Variants in XKR4 observed in about 807,000 individuals in gnomAD.
The protein encoded by XKR4 is XK related 4.
A neutral mutation model predicts 53.9 loss-of-function variants in XKR4; 12 were observed. The ratio of observed to expected loss-of-function variants is 0.22; its 90% CI spans 0.14 to 0.36. The LOEUF is 0.36. XKR4 is among the 10% of genes least tolerant of loss of function. The pLI, the probability that XKR4 is intolerant of heterozygous loss-of-function variation, is 1.00. For missense variants in XKR4, 799 were observed against 859.5 expected (o/e 0.93, Z 0.88); for synonymous variants, 354 against 362.4 (o/e 0.98, Z 0.26).
At chr8:55,449,629 C>G (rs1805398539) in intron 2 of XKR4, 1 of 1,046,868 alleles carries the variant, frequency 9.6e-7, no homozygotes, top group African/African-American at 1.6e-5. Flanking sequence ...CCTTCTCATC[C>G]ACGCTCTTAG....
intron 2 of XKR4, among the ~76,000 whole-genome samples, chr8:55,396,225 G>T (rs879506105): frequency 6.6e-5 from 10 of 152,102 alleles, no homozygotes; most frequent in Non-Finnish European, 1.3e-4. Flanking sequence ...CAATCTTTCT[G>T]GGGGCTCAAG....
intron 1 of XKR4, among the ~76,000 whole-genome samples, chr8:55,331,579 A>G (rs1803384882): frequency 6.6e-6 from 1 of 152,126 alleles, no homozygotes; most frequent in Non-Finnish European, 1.5e-5. Flanking sequence ...AGGAATGTCA[A>G]CTTCTCCTTT....
chr8:55,248,195 G>T lies in XKR4; in HGVS notation c.807-109483G>T, dbSNP rs77965616. ...ACCCCCACCAAAGATCCAATGGAGA[G>T]AGGCTGGAAGCCTCTTCCTGGAACA... is the stretch of plus-strand genomic sequence containing the variant. On this transcript the variant is annotated intron_variant, in intron 1 of 2. Transcript: ENST00000327381. Among the ~76,000 whole-genome samples the T allele has an allele frequency of 2.9e-3, 436 of 152,224 alleles. 3 individuals carry two copies. The highest frequency in any genetic ancestry group is 9.8e-3 in the African/African-American group (409 of 41,540).
intron 1 of XKR4, among the ~76,000 whole-genome samples, chr8:55,285,305 A>C (rs531056307): frequency 6.6e-6 from 1 of 152,230 alleles, no homozygotes; most frequent in African/African-American, 2.4e-5. Flanking sequence ...AATATCATGG[A>C]ATGGATGTGA....
At chr8:55,132,763 T>A (rs2129353239) in intron 1 of XKR4, among the ~76,000 whole-genome samples, 1 of 152,242 alleles carries the variant, frequency 6.6e-6, no homozygotes. Context: ...AGCCTGGGTG[T>A]AAAGGAGGAG....
intron 2 of XKR4, among the ~76,000 whole-genome samples, chr8:55,441,734 T>A (rs1215828370): frequency 1.3e-5 from 2 of 152,194 alleles, no homozygotes; most frequent in Non-Finnish European, 2.9e-5. Context: ...TTAAAAGGCA[T>A]AATTCTCAAC....
chr8:55,459,272 A>G (rs1042276534), intron 2 of XKR4, among the ~76,000 whole-genome samples: 1 of 152,178 alleles, frequency 6.6e-6, no homozygotes, highest in African/African-American at 2.4e-5. Context: ...CATAAAAACT[A>G]CTCCAAAATA....
At chr8:55,128,818 A>C (rs1462807981) in intron 1 of XKR4, among the ~76,000 whole-genome samples, 2 of 150,394 alleles carry the variant, frequency 1.3e-5, no homozygotes, top group Non-Finnish European at 2.9e-5. Context: ...GACACAGGTA[A>C]TCAAAGTGCA....
intron 1 of XKR4, among the ~76,000 whole-genome samples, chr8:55,347,281 A>G (rs1250599261): frequency 6.6e-6 from 1 of 152,222 alleles, no homozygotes; most frequent in Non-Finnish European, 1.5e-5. Context: ...ACTGATGAAA[A>G]GGAGCTGAGA....
chr8:55,195,765 A>G (rs1019891607), intron 1 of XKR4, among the ~76,000 whole-genome samples: 4 of 152,212 alleles, frequency 2.6e-5, no homozygotes, highest in Admixed American at 6.5e-5. Flanking sequence ...AGTTTTGCAT[A>G]TACAAACAAA....
chr8:55,234,146 T>C lies in XKR4; in HGVS notation c.807-123532T>C, dbSNP rs145520082. Among the ~76,000 whole-genome samples, 63 of 152,302 alleles carry C rather than the reference T, an allele frequency of 4.1e-4. No individual in the cohort carries two copies. In the East Asian group the frequency reaches 8.7e-3, roughly 21 times the overall value. ...CAGAAGCCTTTATTACCCACAGAGA[T>C]GCAGCTTTCAATTTCACACTGCTGT... On this transcript the variant is annotated intron_variant, in intron 1 of 2. Transcript: ENST00000327381.
intron 1 of XKR4, among the ~76,000 whole-genome samples, chr8:55,204,570 A>G (rs1817618164): frequency 6.6e-6 from 1 of 152,166 alleles, no homozygotes; most frequent in Non-Finnish European, 1.5e-5. Flanking sequence ...CACGTAGCCC[A>G]TGTCTGCAAC....
At chr8:55,403,561 T>C (rs1804640109) in intron 2 of XKR4, among the ~76,000 whole-genome samples, 1 of 152,206 alleles carries the variant, frequency 6.6e-6, no homozygotes, top group Non-Finnish European at 1.5e-5. Context: ...GGCCACCAAT[T>C]AAGAAATTAA....
chr8:55,160,245 A>G (rs915545965), intron 1 of XKR4, among the ~76,000 whole-genome samples: 1 of 152,208 alleles, frequency 6.6e-6, no homozygotes, highest in African/African-American at 2.4e-5. Flanking sequence ...AGTTGAGTTT[A>G]TTTAAGATGT....
intron 1 of XKR4, among the ~76,000 whole-genome samples, chr8:55,293,382 A>G (rs1055399796): frequency 2.0e-5 from 3 of 152,202 alleles, no homozygotes; most frequent in Non-Finnish European, 4.4e-5. Flanking sequence ...AAGCTCTTTT[A>G]TAAGAAGAAG....
chr8:55,369,404 GGGAAA>G lies in XKR4; in HGVS notation c.1006+11532_1006+11536del, dbSNP rs1488848567. ...GGGGAGGGGAGGGGAGGGGAGGGGA[GGGAAA>G]GGAAGGGAAGGGAAAGGAAGGGAAG... On this transcript the variant is annotated intron_variant, in intron 2 of 2. Coordinates refer to ENST00000327381, the MANE Select transcript of XKR4 (RefSeq NM_052898.2). 1.0e-2 allele frequency among the ~76,000 whole-genome samples: 734 copies of G among 73,570 alleles called. 59 individuals are homozygous for G. The highest frequency in any genetic ancestry group is 0.041 in the African/African-American group (546 of 13,248). The allele number at this position is 73,570 out of a possible 152,430, so 48.3% of individuals were successfully genotyped here.
At chr8:55,493,899 T>C (rs1416149330) in intron 2 of XKR4, among the ~76,000 whole-genome samples, 2 of 152,220 alleles carry the variant, frequency 1.3e-5, no homozygotes, top group Non-Finnish European at 2.9e-5. Context: ...CAATGTAAGT[T>C]AGTAATCTTC....
chr8:55,491,536 GC>G (rs34199467), intron 2 of XKR4, among the ~76,000 whole-genome samples: 63,343 of 151,942 alleles, frequency 0.42, 14,615 homozygotes, highest in African/African-American at 0.62. Context: ...TTATTCTAAG[GC>G]TAGTTTAGCT....
chr8:55,281,654 G>A (rs1818846463), intron 1 of XKR4, among the ~76,000 whole-genome samples: 1 of 152,198 alleles, frequency 6.6e-6, no homozygotes, highest in Non-Finnish European at 1.5e-5. Flanking sequence ...TTCCACATTT[G>A]AGAGTGCTGG....
Sources: allele counts gnomAD v4.1 joint callset (sites outside exome capture counted in the v4.1 genomes callset), GRCh38; gene constraint gnomAD v4.1.1; transcripts MANE v1.5; gene names NCBI Gene and HGNC (gene_info 2026-07-23, HGNC 2026-07-21).